CCDC187: variants seen among roughly 807,000 people sequenced by gnomAD.
The protein encoded by CCDC187 is coiled-coil domain-containing protein 187.
CCDC187 carries 32 observed loss-of-function variants against 38.0 expected under a neutral mutation model. The ratio of observed to expected loss-of-function variants is 0.84; its 90% CI spans 0.64 to 1.13. CCDC187 has a LOEUF of 1.13. Among genes scored for constraint, CCDC187 ranks in the 50% most tolerant of loss-of-function variants. The probability of loss-of-function intolerance (pLI) is 0.00; values close to 1 mark genes in which losing one functional copy is unlikely to be tolerated. For missense variants in CCDC187, 707 were observed against 786.8 expected (o/e 0.90, Z 1.21); for synonymous variants, 333 against 347.9 (o/e 0.96, Z 0.48).
chr9:136,286,368 C>T lies in CCDC187; in HGVS notation c.2550G>A (p.Ala850=), dbSNP rs1298673452. The part of the protein sequence containing the change: ...SLTAKLQGAE[A]LDTVRDPAVG... ...CAGCTGGGTCCCTGACGGTGTCCAGCGCTTCGGCACCCTGCAGCTTGGCGG... is the reference window on the plus strand; with the variant it reads ...CAGCTGGGTCCCTGACGGTGTCCAGTGCTTCGGCACCCTGCAGCTTGGCGG... The change falls in exon 8 of 26, where the codon GCG becomes GCA. Residue 850 remains alanine (A), a synonymous_variant. Transcript: ENST00000638797. 8 of 398,652 alleles carry T rather than the reference C, an allele frequency of 2.0e-5. No individual in the cohort carries two copies. In the South Asian group the frequency reaches 5.1e-4, roughly 25 times the overall value. The allele number at this position is 398,652 out of a possible 1,614,324, so 24.7% of individuals were successfully genotyped here. A position where few individuals can be genotyped will look rare whatever the true frequency, so the allele number is the denominator to read the frequency against.
chr9:136,253,459 C>T lies in CCDC187; in HGVS notation c.*135G>A, dbSNP rs149489068. 1.7e-4 allele frequency: 55 copies of T among 329,248 alleles called. No individual in the cohort carries two copies. The highest frequency in any genetic ancestry group is 1.5e-3 in the Middle Eastern group (1 of 668). 20.4% of individuals were successfully genotyped at this position (329,248 alleles called of 1,614,324 possible). A position where few individuals can be genotyped will look rare whatever the true frequency, so the allele number is the denominator to read the frequency against. On this transcript the variant is annotated 3_prime_UTR_variant, in exon 26 of 26. Transcript: ENST00000638797. ...CAGGGGCACTGCCTGACCCCTCACA[C>T]GACGAGTGCCCTGGCCAGCTGACAG...
intron 19 of CCDC187, among the ~76,000 whole-genome samples, chr9:136,260,536 C>T (rs567871086): frequency 1.3e-5 from 2 of 151,904 alleles, no homozygotes; most frequent in South Asian, 4.2e-4. Context: ...ACATGCTGGG[C>T]CCCCGAGAAT....
In CCDC187 at chr9:136,254,432, G is replaced by C. The variant is rs1830587734; in HGVS notation, c.5396C>G (p.Pro1799Arg). ...GSLGLGSGVE[P>R]QVAPPSPRSG... ...CCGTGGGGAGGGAGGAGCCACCTGGGGCTCCACGCCGCTTCCAAGGCCCAG... is the reference window on the plus strand; with the variant it reads ...CCGTGGGGAGGGAGGAGCCACCTGGCGCTCCACGCCGCTTCCAAGGCCCAG... Residue 1799 changes from proline to arginine, a missense_variant, in exon 26 of 26, where the codon CCC becomes CGC. Transcript: ENST00000638797. 4 of 985,230 alleles carry C rather than the reference G, an allele frequency of 4.1e-6. No individual in the cohort carries two copies. The South Asian group carries it at 1.4e-4, about 35-fold the overall frequency. The allele number at this position is 985,230 out of a possible 1,614,324, so 61.0% of individuals were successfully genotyped here.
Position 136,253,473 on chromosome 9 carries a change from G to T in CCDC187, c.*121C>A. 2 of 432,322 alleles carry T rather than the reference G, an allele frequency of 4.6e-6. No individual in the cohort carries two copies. The highest frequency in any genetic ancestry group is 6.2e-6 in the Non-Finnish European group (2 of 324,144). 26.8% of individuals were successfully genotyped at this position (432,322 alleles called of 1,614,324 possible). A position where few individuals can be genotyped will look rare whatever the true frequency, so the allele number is the denominator to read the frequency against. On this transcript the variant is annotated 3_prime_UTR_variant, in exon 26 of 26. Transcript: ENST00000638797. ...GACCCCTCACACGACGAGTGCCCTG[G>T]CCAGCTGACAGGTTCAGGCCACTGG...
chr9:136,268,227 G>A, intron 14 of CCDC187, 102 bp from the exon 15 acceptor site: 1 of 688,882 alleles, frequency 1.5e-6, no homozygotes, highest in Non-Finnish European at 1.8e-6. Flanking sequence ...GAGGTCTAGG[G>A]CAGTTTAGTG....
In CCDC187 at chr9:136,265,936, C is replaced by T; in HGVS notation, c.3735+20G>A. On this transcript the variant is annotated intron_variant, in intron 17 of 25. Coordinates refer to ENST00000638797, the MANE Select transcript of CCDC187 (RefSeq NM_001378188.1). The stretch of plus-strand genomic sequence containing the variant: ...CTGTGAGCCGCCCACCCTGACCCAC[C>T]AGGCCTGTGCTGGCCCCACCTGCTC... The T allele has an allele frequency of 1.0e-6, 1 of 983,830 alleles. No individual in the cohort carries two copies. The allele number at this position is 983,830 out of a possible 1,614,324, so 60.9% of individuals were successfully genotyped here.
Position 136,291,574 on chromosome 9 carries a change from A to C in CCDC187, c.1039T>G (p.Tyr347Asp), listed in dbSNP as rs36134869. 2.5e-6 allele frequency: 1 copy of C among 398,720 alleles called. No homozygotes were observed. The highest frequency in any genetic ancestry group is 2.1e-5 in the African/African-American group (1 of 48,620). 24.7% of individuals were successfully genotyped at this position (398,720 alleles called of 1,614,324 possible). The change falls in exon 6 of 26, where the codon TAC becomes GAC. Residue 347 changes from tyrosine (Y) to aspartate (D), a missense_variant. Physicochemically the swap from Tyr to Asp is radical, Grantham distance 160. Coordinates refer to ENST00000638797, the MANE Select transcript of CCDC187 (RefSeq NM_001378188.1). Reference protein sequence around the residue: ...CAQLPDATSAYSDQQVSGNTP... With the variant: ...CAQLPDATSADSDQQVSGNTP... ...TTCCCAGACACCTGCTGGTCACTGT[A>C]GGCGGAGGTGGCATCGGGCAACTGG...
rs1455954513 is a variant in CCDC187 at position 136,250,823 on chromosome 9, C to T, written c.*2771G>A. ...GGCACCTGGGGCTAAGCAGCCGCCC[C>T]GGGGCTGGAGAAGGCAGGCTGGGTC... On this transcript the variant is annotated 3_prime_UTR_variant, in exon 26 of 26. Transcript: ENST00000638797. The T allele has an allele frequency of 2.2e-5, 10 of 456,076 alleles. No individual in the cohort carries two copies. In the East Asian group the frequency reaches 2.8e-4, roughly 13 times the overall value. 28.3% of individuals were successfully genotyped at this position (456,076 alleles called of 1,614,324 possible).
Position 136,263,817 on chromosome 9 carries a change from C to G in CCDC187, c.3736-19G>C, listed in dbSNP as rs1554761278. The stretch of plus-strand genomic sequence containing the variant: ...TTTCCCTCTGAGCAGGCAAAATAAG[C>G]AGATGTCAGCATAACCCCGGAGCCA... On this transcript the variant is annotated intron_variant, in intron 17 of 25. Transcript: ENST00000638797. 3 of 985,364 alleles carry G rather than the reference C, an allele frequency of 3.0e-6. No individual in the cohort carries two copies. Among genetic ancestry groups the G allele is most frequent in the East Asian group, 1.1e-4 (1 of 8,826 alleles). 61.0% of individuals were successfully genotyped at this position (985,364 alleles called of 1,614,324 possible).
At chr9:136,277,156 TGTCA>T (rs1402685032) in intron 10 of CCDC187, among the ~76,000 whole-genome samples, 1 of 151,590 alleles carries the variant, frequency 6.6e-6, no homozygotes, top group Non-Finnish European at 1.5e-5. Context: ...ACAAATCACT[TGTCA>T]GTCAGAGCCC....
intron 14 of CCDC187, among the ~76,000 whole-genome samples, chr9:136,272,323 T>G (rs782246987): frequency 9.2e-5 from 14 of 152,252 alleles, no homozygotes; most frequent in Non-Finnish European, 1.8e-4. Flanking sequence ...ATTGGCTGTT[T>G]AAACAAAATG....
At chr9:136,287,641 G>A (rs1428826202) in intron 7 of CCDC187, among the ~76,000 whole-genome samples, 2 of 152,198 alleles carry the variant, frequency 1.3e-5, no homozygotes, top group Non-Finnish European at 2.9e-5. Flanking sequence ...AATACTCATT[G>A]TCTCCGCGAT....
Position 136,253,935 on chromosome 9 carries a change from C to T in CCDC187, c.5893G>A (p.Gly1965Arg). ...VAESRAPGPG[G>R]NGAPTVLEEA... ...TCCAGGACAGTGGGGGCCCCATTCC[C>T]ACCAGGCCCAGGCGCCCGGCTCTCA... The change falls in exon 26 of 26, where the codon GGG becomes AGG. Residue 1965 changes from glycine (G) to arginine (R), a missense_variant. Physicochemically the swap from Gly to Arg is moderately radical, Grantham distance 125 (BLOSUM62 -2). Coordinates refer to ENST00000638797, the MANE Select transcript of CCDC187 (RefSeq NM_001378188.1). 1 of 985,526 alleles carries T rather than the reference C, an allele frequency of 1.0e-6. No individual in the cohort carries two copies. Among genetic ancestry groups the T allele is most frequent in the Middle Eastern group, 5.2e-4 (1 of 1,916 alleles). 61.0% of individuals were successfully genotyped at this position (985,526 alleles called of 1,614,324 possible).
intron 9 of CCDC187, among the ~76,000 whole-genome samples, chr9:136,283,225 G>C (rs1166961964): frequency 6.6e-6 from 1 of 152,194 alleles, no homozygotes; most frequent in East Asian, 1.9e-4. Context: ...CTCCAGCCTC[G>C]GCGACAGAGC....
In CCDC187 at chr9:136,252,518, G is replaced by A. The variant is rs1225337554; in HGVS notation, c.*1076C>T. ...GTCCAGGCGACCATCCTGCACAGCC[G>A]GCCGCCCACCCGGTCCACCGGGGAA... On this transcript the variant is annotated 3_prime_UTR_variant, in exon 26 of 26. Coordinates refer to ENST00000638797, the MANE Select transcript of CCDC187 (RefSeq NM_001378188.1). 3 of 190,558 alleles carry A rather than the reference G, an allele frequency of 1.6e-5. No homozygotes were observed. The highest frequency in any genetic ancestry group is 3.3e-5 in the Non-Finnish European group (3 of 89,712). The allele number at this position is 190,558 out of a possible 1,614,324, so 11.8% of individuals were successfully genotyped here.
At chr9:136,283,523 G>A (rs1186563648) in intron 9 of CCDC187, among the ~76,000 whole-genome samples, 1 of 152,324 alleles carries the variant, frequency 6.6e-6, no homozygotes, top group East Asian at 1.9e-4. Flanking sequence ...CCACCAGCCC[G>A]GGTCCCTCCG....
chr9:136,270,262 C>T (rs1176991988), intron 14 of CCDC187, among the ~76,000 whole-genome samples: 2 of 152,212 alleles, frequency 1.3e-5, no homozygotes, highest in South Asian at 4.1e-4. Flanking sequence ...CATCAAGAAG[C>T]GGAGACAGGT....
intron 4 of CCDC187, among the ~76,000 whole-genome samples, chr9:136,293,177 ACACACACTCACATGCT>A (rs1213547711): frequency 9.3e-6 from 1 of 107,354 alleles, no homozygotes; most frequent in Non-Finnish European, 1.9e-5. Flanking sequence ...TCACATGCTC[ACACACACTCACATGCT>A]CACACACTCA....
intron 23 of CCDC187, 109 bp from the exon 24 acceptor site, chr9:136,256,432 A>T: frequency 2.5e-6 from 1 of 398,114 alleles, no homozygotes; most frequent in Non-Finnish European, 3.4e-6. Flanking sequence ...GTAAAGGAAC[A>T]AAGACCACTC....
Sources: gnomAD v4.1 joint callset for allele counts (sites outside exome capture counted in the v4.1 genomes callset) on GRCh38, gnomAD v4.1.1 for gene constraint, MANE v1.5 for transcripts, NCBI Gene and HGNC (gene_info 2026-07-23, HGNC 2026-07-21) for gene names.